PACC1: variants seen among roughly 807,000 people sequenced by gnomAD.
The protein encoded by PACC1 is proton-activated chloride channel.
PACC1 carries 34 observed loss-of-function variants against 39.7 expected under a neutral mutation model. That is an observed-to-expected ratio of 0.86 (90% CI 0.65 to 1.14). PACC1 has a LOEUF of 1.14. PACC1 is among the 50% of genes most tolerant of loss of function. PACC1 has a pLI of 0.00. For missense variants in PACC1, 379 were observed against 436.4 expected (o/e 0.87, Z 1.17); for synonymous variants, 127 against 160.6 (o/e 0.79, Z 1.58).
intron 2 of PACC1, among the ~76,000 whole-genome samples, chr1:212,387,367 A>T (rs1050254083): frequency 3.3e-5 from 5 of 152,260 alleles, no homozygotes; most frequent in African/African-American, 1.2e-4. Context: ...AAGATAAAAG[A>T]TAAAAAACGA....
At chr1:212,406,493 T>C (rs752025209) in intron 2 of PACC1, among the ~76,000 whole-genome samples, 6 of 152,090 alleles carry the variant, frequency 3.9e-5, no homozygotes, top group East Asian at 3.9e-4. Flanking sequence ...TGCAGCCTAG[T>C]TGACACAGGG....
At chr1:212,397,472 T>A (rs142008568) in intron 2 of PACC1, among the ~76,000 whole-genome samples, 1 of 152,200 alleles carries the variant, frequency 6.6e-6, no homozygotes, top group Non-Finnish European at 1.5e-5. Flanking sequence ...CTCATAATTA[T>A]TTAATTTTAC....
At chr1:212,372,293 A>C (rs984552607) in intron 7 of PACC1, among the ~76,000 whole-genome samples, 8 of 148,668 alleles carry the variant, frequency 5.4e-5, no homozygotes, top group African/African-American at 7.3e-5. Context: ...AAAAAAAAAA[A>C]ACAAAAAACA....
At chr1:212,370,539 T>C (rs947570895) in intron 7 of PACC1, among the ~76,000 whole-genome samples, 2 of 152,246 alleles carry the variant, frequency 1.3e-5, no homozygotes, top group Non-Finnish European at 2.9e-5. Context: ...GGAGACCATA[T>C]GTTGGGCCAC....
At chr1:212,389,260 CAG>C in intron 2 of PACC1, among the ~76,000 whole-genome samples, 1 of 152,286 alleles carries the variant, frequency 6.6e-6, no homozygotes, top group Non-Finnish European at 1.5e-5. Context: ...GGGAGCCACA[CAG>C]GGGGTGAAAC....
chr1:212,387,220 AC>A (rs66860643), intron 2 of PACC1, 120 bp from the exon 3 acceptor site: 152,445 of 818,542 alleles, frequency 0.19, 16,688 homozygotes, highest in East Asian at 0.35. Flanking sequence ...TGCACGCCCA[AC>A]CTTTCCACCT....
At chr1:212,404,909 C>G (rs923081875) in intron 2 of PACC1, among the ~76,000 whole-genome samples, 1 of 152,156 alleles carries the variant, frequency 6.6e-6, no homozygotes, top group Non-Finnish European at 1.5e-5. Context: ...GCTGGGATTA[C>G]AGGCATCTGC....
At chr1:212,366,678 G>A (rs1049759074) in intron 7 of PACC1, among the ~76,000 whole-genome samples, 4 of 152,096 alleles carry the variant, frequency 2.6e-5, no homozygotes, top group Admixed American at 6.5e-5. Context: ...AGCATGCCTC[G>A]GGTACTGGGC....
chr1:212,377,641 C>A lies in PACC1; in HGVS notation c.704G>T (p.Gly235Val), dbSNP rs982737248. The change falls in exon 6 of 8, where the codon GGC becomes GTC. Residue 235 changes from glycine (G) to valine (V), a missense_variant. Transcript: ENST00000261455. ...SAYSSWKFSG[G>V]FRTWVKMSLV... ...TGACATCTTGACCCAGGTGCGGAAG[C>A]CCCCAGAGAACTTCCAGCTGGAATA... 6.2e-7 allele frequency: 1 copy of A among 1,614,084 alleles called. No individual in the cohort carries two copies. Among genetic ancestry groups the A allele is most frequent in the Non-Finnish European group, 8.5e-7 (1 of 1,180,026 alleles).
At chr1:212,409,697 T>C (rs138212811) in intron 2 of PACC1, among the ~76,000 whole-genome samples, 1 of 152,068 alleles carries the variant, frequency 6.6e-6, no homozygotes, top group African/African-American at 2.4e-5. Context: ...AACTATGACA[T>C]GGGCAGTTGG....
At chr1:212,413,842 G>A in intron 1 of PACC1, 1 of 1,480,904 alleles carries the variant, frequency 6.8e-7, no homozygotes, top group Middle Eastern at 2.3e-4. Context: ...TGGTAACACA[G>A]TATCGCACTC....
chr1:212,373,329 A>G (rs1320635965), intron 7 of PACC1, among the ~76,000 whole-genome samples: 1 of 149,930 alleles, frequency 6.7e-6, no homozygotes, highest in Non-Finnish European at 1.5e-5. Context: ...CTAGACCCCT[A>G]TCTCTTACTA....
chr1:212,401,696 C>G (rs1400896609), intron 2 of PACC1, among the ~76,000 whole-genome samples: 2 of 112,042 alleles, frequency 1.8e-5, no homozygotes, highest in Admixed American at 2.2e-4. Flanking sequence ...TTTTTTGAGA[C>G]AGAGTCTCCC....
At chr1:212,407,214 C>T (rs1354914133) in intron 2 of PACC1, among the ~76,000 whole-genome samples, 4 of 152,150 alleles carry the variant, frequency 2.6e-5, no homozygotes, top group Non-Finnish European at 5.9e-5. Context: ...GAGTCAGCAT[C>T]AGAGTGATGT....
At position 212,414,732 on chromosome 1, in the gene PACC1, G is replaced by A. The variant is rs756361683; in HGVS notation, c.26C>T (p.Ser9Phe). The A allele has an allele frequency of 1.9e-6, 3 of 1,613,680 alleles. No individual in the cohort carries two copies. In the South Asian group the frequency reaches 3.3e-5, roughly 18 times the overall value. The change falls in exon 1 of 8, where the codon TCC (serine) becomes TTC (phenylalanine). Residue 9 changes from serine (S) to phenylalanine (F), a missense_variant. Ser to Phe is a radical substitution (Grantham distance 155, BLOSUM62 -2). Transcript: ENST00000261455. MIRQERST[S>F]YQELSEELVQ... ...CTCACAACCTCGTACCTCCTGGTAG[G>A]ATGTGGAGCGCTCCTGCCGGATCAT...
At position 212,387,067 on chromosome 1, in the gene PACC1, C is replaced by T. The variant is rs200927148; in HGVS notation, c.167G>A (p.Arg56His). The part of the protein sequence containing the change: ...LDSESASSSI[R>H]FSKACLKNVF... ...GTTCTTCAGGCAGGCCTTGCTGAAG[C>T]GGATGCTGCTGGAGGCGGACTCGCT... Residue 56 changes from arginine to histidine, a missense_variant, in exon 3 of 8, where the codon CGC (arginine) becomes CAC (histidine). Transcript: ENST00000261455. 3.7e-5 allele frequency: 59 copies of T among 1,614,110 alleles called. No homozygotes were observed. The highest frequency in any genetic ancestry group is 4.5e-5 in the East Asian group (2 of 44,864).
At chr1:212,393,075 AC>A (rs945285422) in intron 2 of PACC1, among the ~76,000 whole-genome samples, 112 of 152,348 alleles carry the variant, frequency 7.4e-4, no homozygotes, top group African/African-American at 2.6e-3. Flanking sequence ...TCAGCTCTGC[AC>A]CAAGCAGATC....
chr1:212,411,309 T>C (rs1165823014), intron 1 of PACC1, among the ~76,000 whole-genome samples: 1 of 151,774 alleles, frequency 6.6e-6, no homozygotes, highest in African/African-American at 2.4e-5. Flanking sequence ...GAGGGAACAG[T>C]GAAGGTGGTG....
At chr1:212,413,720 ACTGTT>A (rs1662219183) in intron 1 of PACC1, among the ~76,000 whole-genome samples, 1 of 152,194 alleles carries the variant, frequency 6.6e-6, no homozygotes, top group African/African-American at 2.4e-5. Flanking sequence ...AGAAGTCTGG[ACTGTT>A]CTGGGCAGAC....
Sources: gnomAD v4.1 joint callset for allele counts (sites outside exome capture counted in the v4.1 genomes callset) on GRCh38, gnomAD v4.1.1 for gene constraint, MANE v1.5 for transcripts, NCBI Gene and HGNC (gene_info 2026-07-23, HGNC 2026-07-21) for gene names.